Variants in STEAP1B observed in about 807,000 individuals in gnomAD.
The protein encoded by STEAP1B is STEAP family protein MGC87042.
A neutral mutation model predicts 27.9 loss-of-function variants in STEAP1B; 13 were observed. The observed-to-expected ratio is 0.47, with a 90% CI of 0.30 to 0.74. The LOEUF is 0.74. Ranked by LOEUF, STEAP1B falls within the 30% of genes least tolerant of loss-of-function variation. STEAP1B has a pLI of 0.06. For missense variants in STEAP1B, 250 were observed against 298.7 expected (o/e 0.84, Z 1.20); for synonymous variants, 86 against 107.1 (o/e 0.80, Z 1.22).
chr7:22,454,224 C>G (rs1286327658), intron 4 of STEAP1B, among the ~76,000 whole-genome samples: 2 of 152,174 alleles, frequency 1.3e-5, no homozygotes, highest in Non-Finnish European at 2.9e-5. Context: ...TGAGAGAGAA[C>G]TCTCAAGAAA....
intron 4 of STEAP1B, chr7:22,438,475 A>C (rs370618767): frequency 2.6e-6 from 4 of 1,545,048 alleles, no homozygotes; most frequent in Non-Finnish European, 8.7e-7. Context: ...CAAGGTTCTC[A>C]CTTTCATGCA....
Position 22,445,640 on chromosome 7 carries a change from G to A in STEAP1B, c.763-25804C>T, listed in dbSNP as rs116957864. On this transcript the variant is annotated intron_variant, in intron 4 of 4. Coordinates refer to ENST00000678116, the MANE Select transcript of STEAP1B (RefSeq NM_001382447.1). The stretch of plus-strand genomic sequence containing the variant: ...TCCACCTCTGAATGGGGATTTGGTC[G>A]ACCTTTTCCGGCTTGGGGGAAGTCC... 1.9e-3 allele frequency among the ~76,000 whole-genome samples: 286 copies of A among 152,376 alleles called. 1 individual carries two copies. The highest frequency in any genetic ancestry group is 0.017 in the Middle Eastern group (5 of 294).
intron 4 of STEAP1B, among the ~76,000 whole-genome samples, chr7:22,483,325 T>G (rs1786119193): frequency 6.6e-6 from 1 of 152,114 alleles, no homozygotes; most frequent in Non-Finnish European, 1.5e-5. Flanking sequence ...ATTCCACATA[T>G]GGATGAGGGG....
intron 4 of STEAP1B, among the ~76,000 whole-genome samples, chr7:22,486,890 C>T (rs1370562002): frequency 6.6e-6 from 1 of 152,122 alleles, no homozygotes; most frequent in African/African-American, 2.4e-5. Context: ...ACTCCTGGCT[C>T]AGCCTTCTCA....
intron 4 of STEAP1B, among the ~76,000 whole-genome samples, chr7:22,435,757 A>AGTGAGC (rs2128400840): frequency 6.6e-6 from 1 of 152,358 alleles, no homozygotes; most frequent in South Asian, 2.1e-4. Context: ...TAAAGAGAGA[A>AGTGAGC]GTGAGCGTAG....
chr7:22,491,088 A>C lies in STEAP1B; in HGVS notation c.762+1477T>G, dbSNP rs147636519. Among the ~76,000 whole-genome samples the C allele has an allele frequency of 4.5e-4, 68 of 152,318 alleles. 1 individual carries two copies. The South Asian group carries it at 7.2e-3, about 16-fold the overall frequency. ...CGTTCATTTTGAAAAGTAGCAACTC[A>C]TTTTCTGCAGATATGTAGTAGTAAG... On this transcript the variant is annotated intron_variant, in intron 4 of 4. Transcript: ENST00000678116.
chr7:22,454,464 ATTG>A (rs970607782), intron 4 of STEAP1B, among the ~76,000 whole-genome samples: 1 of 152,144 alleles, frequency 6.6e-6, no homozygotes, highest in African/African-American at 2.4e-5. Context: ...TTCAGAGGGC[ATTG>A]TTGTACCTGA....
chr7:22,496,726 T>C (rs1786448555), intron 1 of STEAP1B, among the ~76,000 whole-genome samples: 1 of 152,178 alleles, frequency 6.6e-6, no homozygotes. Flanking sequence ...GGCTGTACCA[T>C]CTAAGTTTAT....
chr7:22,469,215 A>C (rs956423613), intron 4 of STEAP1B, among the ~76,000 whole-genome samples: 1 of 152,168 alleles, frequency 6.6e-6, no homozygotes, highest in African/African-American at 2.4e-5. Context: ...TTTTAACAAA[A>C]ATTTTAAGAA....
chr7:22,445,232 G>C (rs1785391647), intron 4 of STEAP1B, among the ~76,000 whole-genome samples: 1 of 152,228 alleles, frequency 6.6e-6, no homozygotes, highest in African/African-American at 2.4e-5. Context: ...CTTTGTGGTG[G>C]GTTCTCTTGG....
chr7:22,486,043 C>T (rs1786202925), intron 4 of STEAP1B, among the ~76,000 whole-genome samples: 1 of 152,156 alleles, frequency 6.6e-6, no homozygotes, highest in African/African-American at 2.4e-5. Context: ...AACTCGGTTG[C>T]ACATTAAGAT....
chr7:22,451,875 T>C (rs1785497015), intron 4 of STEAP1B, among the ~76,000 whole-genome samples: 1 of 152,236 alleles, frequency 6.6e-6, no homozygotes, highest in Non-Finnish European at 1.5e-5. Context: ...TTTGTCTGGT[T>C]TTAGTATCAG....
At chr7:22,472,169 T>G (rs1030122487) in intron 4 of STEAP1B, among the ~76,000 whole-genome samples, 2 of 152,234 alleles carry the variant, frequency 1.3e-5, no homozygotes, top group African/African-American at 4.8e-5. Flanking sequence ...ATTGTCCCTC[T>G]TTCCAGACAT....
intron 4 of STEAP1B, among the ~76,000 whole-genome samples, chr7:22,439,853 C>G (rs1444675858): frequency 2.0e-5 from 3 of 152,014 alleles, no homozygotes; most frequent in Non-Finnish European, 4.4e-5. Context: ...CCCTCTACAC[C>G]CCAATAAAAC....
At chr7:22,451,411 G>T (rs1229694528) in intron 4 of STEAP1B, among the ~76,000 whole-genome samples, 3 of 151,988 alleles carry the variant, frequency 2.0e-5, no homozygotes, top group African/African-American at 7.3e-5. Flanking sequence ...TTATCCGATT[G>T]CTCTAGCTAG....
intron 3 of STEAP1B, among the ~76,000 whole-genome samples, chr7:22,493,033 A>G (rs1384924724): frequency 6.6e-6 from 1 of 152,230 alleles, no homozygotes; most frequent in Non-Finnish European, 1.5e-5. Flanking sequence ...AACAATATTA[A>G]AAAGTAATCT....
intron 4 of STEAP1B, among the ~76,000 whole-genome samples, chr7:22,477,122 C>A (rs1162714744): frequency 1.3e-5 from 2 of 152,192 alleles, no homozygotes; most frequent in African/African-American, 4.8e-5. Flanking sequence ...GCACGCATAG[C>A]CTTTGCCATC....
intron 4 of STEAP1B, among the ~76,000 whole-genome samples, chr7:22,427,847 T>C (rs1259881526): frequency 6.6e-6 from 1 of 152,154 alleles, no homozygotes; most frequent in Non-Finnish European, 1.5e-5. Context: ...TGAGGAAAGG[T>C]ACGAGTAGAG....
At chr7:22,428,944 G>A (rs1261194557) in intron 4 of STEAP1B, among the ~76,000 whole-genome samples, 1 of 152,164 alleles carries the variant, frequency 6.6e-6, no homozygotes, top group Admixed American at 6.5e-5. Context: ...ACATATATAA[G>A]GTGTTCAAGC....
Sources: allele counts gnomAD v4.1 joint callset (sites outside exome capture counted in the v4.1 genomes callset), GRCh38; gene constraint gnomAD v4.1.1; transcripts MANE v1.5; gene names NCBI Gene and HGNC (gene_info 2026-07-23, HGNC 2026-07-21).